PTPRD: variants seen among roughly 807,000 people sequenced by gnomAD.
The protein encoded by PTPRD is protein tyrosine phosphatase receptor type D, also known as receptor-type tyrosine-protein phosphatase delta.
PTPRD carries 34 observed loss-of-function variants against 214.5 expected under a neutral mutation model. The ratio of observed to expected loss-of-function variants is 0.16; its 90% CI spans 0.12 to 0.21. The LOEUF (loss-of-function observed/expected upper bound fraction) is 0.21. PTPRD is among the 10% of genes least tolerant of loss of function. PTPRD has a pLI of 1.00. For missense variants in PTPRD, 2,545 were observed against 2,398.7 expected (o/e 1.06, Z -1.27); for synonymous variants, 1,128 against 845.7 (o/e 1.33, Z -5.79).
rs2132509699 is a variant in PTPRD, at chr9:8,341,847, G to C, written c.4793C>G (p.Thr1598Arg). ...MRAQRNYMVQ[T>R]EDQYIFIHDA... ...ATGGATAAAGATGTATTGGTCTTCT[G>C]TTTGAACCATATAGTTCCTCTGGGC... The change falls in exon 40 of 46, where the codon ACA becomes AGA. Residue 1598 changes from threonine (T) to arginine (R), a missense_variant. Thr to Arg is a moderately conservative substitution (Grantham distance 71). Transcript: ENST00000381196. The C allele has an allele frequency of 1.2e-6, 2 of 1,613,432 alleles. No individual in the cohort carries two copies. The highest frequency in any genetic ancestry group is 1.7e-6 in the Non-Finnish European group (2 of 1,179,684).
At chr9:9,275,039 G>A (rs1378971286) in intron 9 of PTPRD, among the ~76,000 whole-genome samples, 1 of 100,584 alleles carries the variant, frequency 9.9e-6, no homozygotes. Flanking sequence ...AAATCCCTTT[G>A]TTTCCATATA....
At position 8,871,608 on chromosome 9, in the gene PTPRD, G is replaced by A. The variant is rs886291370; in HGVS notation, c.-103-137662C>T. ...TTTCATGACCTTTGGAAGTAACTTT[G>A]ATAGCAAAATTCCTCTCTGTCATTT... On this transcript the variant is annotated intron_variant, in intron 11 of 45. Coordinates refer to ENST00000381196, the MANE Select transcript of PTPRD (RefSeq NM_002839.4). Among the ~76,000 whole-genome samples, 15 of 152,168 alleles carry A rather than the reference G, an allele frequency of 9.9e-5. No individual in the cohort carries two copies. The East Asian group carries it at 2.1e-3, about 22-fold the overall frequency.
At chr9:8,525,166 G>T (rs1174638570) in intron 17 of PTPRD, 131 bp from the exon 18 acceptor site, 2 of 802,960 alleles carry the variant, frequency 2.5e-6, no homozygotes, top group African/African-American at 1.7e-5. Flanking sequence ...TCAATCTCTT[G>T]CTAAGTTGCA....
chr9:9,392,647 T>C (rs1055788828), intron 9 of PTPRD, among the ~76,000 whole-genome samples: 5 of 152,110 alleles, frequency 3.3e-5, no homozygotes, highest in African/African-American at 4.8e-5. Context: ...CCTTTCAAAG[T>C]CTCTGAATTT....
chr9:9,732,994 A>G (rs779394412), intron 7 of PTPRD, among the ~76,000 whole-genome samples: 26 of 152,110 alleles, frequency 1.7e-4, no homozygotes, highest in Non-Finnish European at 2.9e-4. Context: ...GACTGAATTC[A>G]TCATTGTGAA....
At chr9:10,343,494 G>C (rs1304676923) in intron 2 of PTPRD, among the ~76,000 whole-genome samples, 1 of 152,158 alleles carries the variant, frequency 6.6e-6, no homozygotes, top group Non-Finnish European at 1.5e-5. Context: ...TATATACCCA[G>C]TAACGGGATT....
intron 11 of PTPRD, among the ~76,000 whole-genome samples, chr9:8,889,755 C>T (rs1016887986): frequency 1.3e-5 from 2 of 152,136 alleles, no homozygotes; most frequent in African/African-American, 4.8e-5. Flanking sequence ...GAATAATGGT[C>T]TCTAACTCAA....
At chr9:10,566,354 A>C (rs1287907785) in intron 2 of PTPRD, among the ~76,000 whole-genome samples, 2 of 152,024 alleles carry the variant, frequency 1.3e-5, no homozygotes. Context: ...TATTTTACAA[A>C]AAGGATGTGC....
At chr9:9,135,439 G>T (rs1251468663) in intron 10 of PTPRD, among the ~76,000 whole-genome samples, 1 of 152,154 alleles carries the variant, frequency 6.6e-6, no homozygotes, top group Non-Finnish European at 1.5e-5. Flanking sequence ...GATTGAAGAT[G>T]ATGAGATCAT....
At chr9:8,793,461 A>G (rs28489954) in intron 11 of PTPRD, among the ~76,000 whole-genome samples, 12,897 of 152,212 alleles carry the variant, frequency 0.085, 1,237 homozygotes, top group African/African-American at 0.23. Context: ...GCTTCATGAG[A>G]GACTCTGAGC....
intron 12 of PTPRD, among the ~76,000 whole-genome samples, chr9:8,642,702 G>C (rs72698286): frequency 0.044 from 6,735 of 152,184 alleles, 458 homozygotes; most frequent in African/African-American, 0.14. Flanking sequence ...AGGTTTGAGG[G>C]GAATGAGTTA....
chr9:9,492,326 T>TAA (rs67958740), intron 8 of PTPRD, among the ~76,000 whole-genome samples: 2,307 of 134,752 alleles, frequency 0.017, 55 homozygotes, highest in African/African-American at 0.055. Context: ...TTACTAAACA[T>TAA]AAAAAAAAAA....
chr9:10,146,660 G>A (rs1383483527), intron 3 of PTPRD, among the ~76,000 whole-genome samples: 1 of 152,122 alleles, frequency 6.6e-6, no homozygotes, highest in African/African-American at 2.4e-5. Flanking sequence ...AAACTTATTT[G>A]GCTCTATTCA....
chr9:9,615,775 T>G (rs554487693), intron 7 of PTPRD, among the ~76,000 whole-genome samples: 1 of 152,150 alleles, frequency 6.6e-6, no homozygotes, highest in East Asian at 1.9e-4. Flanking sequence ...CAAAAAATCT[T>G]ATAAAGTGAG....
chr9:9,750,582 T>G (rs2098507344), intron 6 of PTPRD, among the ~76,000 whole-genome samples: 1 of 152,124 alleles, frequency 6.6e-6, no homozygotes, highest in African/African-American at 2.4e-5. Context: ...CACATTAAAT[T>G]GTAATGTGAA....
chr9:9,631,192 C>CATAAGTAAATAA (rs1554738853), intron 7 of PTPRD, among the ~76,000 whole-genome samples: 4,403 of 139,530 alleles, frequency 0.032, 183 homozygotes, highest in African/African-American at 0.095. Flanking sequence ...GTATCTCATT[C>CATAAGTAAATAA]ATAAATAAAT....
At chr9:9,987,235 T>C (rs2095747109) in intron 4 of PTPRD, among the ~76,000 whole-genome samples, 1 of 152,182 alleles carries the variant, frequency 6.6e-6, no homozygotes, top group Non-Finnish European at 1.5e-5. Flanking sequence ...TTTTTACATA[T>C]ATGATTAGTA....
At chr9:9,890,601 C>T (rs1275994456) in intron 5 of PTPRD, among the ~76,000 whole-genome samples, 2 of 151,964 alleles carry the variant, frequency 1.3e-5, no homozygotes, top group South Asian at 2.1e-4. Flanking sequence ...TTTACAGTAT[C>T]ATCAGAAGCA....
intron 10 of PTPRD, among the ~76,000 whole-genome samples, chr9:9,182,588 G>C (rs1303095062): frequency 6.6e-6 from 1 of 151,946 alleles, no homozygotes; most frequent in Non-Finnish European, 1.5e-5. Context: ...ATCTTTGTAG[G>C]ATTAGAAACA....
Sources: gnomAD v4.1 joint callset for allele counts (sites outside exome capture counted in the v4.1 genomes callset) on GRCh38, gnomAD v4.1.1 for gene constraint, MANE v1.5 for transcripts, NCBI Gene and HGNC (gene_info 2026-07-23, HGNC 2026-07-21) for gene names.